Variants in VPS37C observed in about 807,000 individuals in gnomAD.
VPS37C encodes the protein vacuolar protein sorting-associated protein 37C.
Under a neutral mutation model 16.1 loss-of-function variants are expected in VPS37C, and 9 were observed. The ratio of observed to expected loss-of-function variants is 0.56; its 90% confidence interval spans 0.34 to 0.97. The LOEUF is 0.97. VPS37C is among the 50% of genes least tolerant of loss of function. The pLI is 0.02. For synonymous variants in VPS37C, 207 were observed against 206.4 expected (o/e 1.00, Z -0.02); for missense variants, 479 against 472.7 (o/e 1.01, Z -0.12).
chr11:61,147,288 C>A (rs1167055223), intron 1 of VPS37C, among the ~76,000 whole-genome samples: 1 of 152,174 alleles, frequency 6.6e-6, no homozygotes, highest in African/African-American at 2.4e-5. Context: ...CTCGCTGGAG[C>A]TTTGCTATCA....
At chr11:61,154,862 T>G (rs945433875) in intron 1 of VPS37C, among the ~76,000 whole-genome samples, 1 of 152,164 alleles carries the variant, frequency 6.6e-6, no homozygotes, top group Non-Finnish European at 1.5e-5. Flanking sequence ...CTCAGCACTT[T>G]GGAAGGCCGA....
intron 1 of VPS37C, among the ~76,000 whole-genome samples, chr11:61,153,363 G>A (rs998097778): frequency 6.6e-6 from 1 of 152,136 alleles, no homozygotes; most frequent in Non-Finnish European, 1.5e-5. Flanking sequence ...TAACTTTCCT[G>A]AGGCCTCCCA....
chr11:61,132,150 C>T lies in VPS37C; in HGVS notation c.738G>A (p.Pro246=), dbSNP rs778229740. 1.0e-5 allele frequency: 15 copies of T among 1,452,514 alleles called. No homozygotes were observed. The highest frequency in any genetic ancestry group is 5.8e-5 in the African/African-American group (4 of 69,480). 90.0% of individuals were successfully genotyped at this position (1,452,514 alleles called of 1,614,324 possible). The change falls in exon 5 of 5, where the codon CCG becomes CCA. Residue 246 remains proline (P), a synonymous_variant. Coordinates refer to ENST00000301765, the MANE Select transcript of VPS37C (RefSeq NM_017966.5). Reference sequence around the variant, plus strand: ...CACCCCTGGGTCCAAGCTGGGCTGCCGGGTAAGTGGGGCCCAGAGGCCCGC... The same window carrying T: ...CACCCCTGGGTCCAAGCTGGGCTGCTGGGTAAGTGGGGCCCAGAGGCCCGC... ...FYSGPLGPTY[P]AAQLGPRGAA... is the part of the protein sequence containing the mutation.
At chr11:61,142,617 C>T (rs542135444) in intron 1 of VPS37C, among the ~76,000 whole-genome samples, 8 of 152,000 alleles carry the variant, frequency 5.3e-5, no homozygotes, top group Non-Finnish European at 1.2e-4. Context: ...GTCATGCAGC[C>T]TCTGAAAACT....
At chr11:61,154,896 G>A (rs1476282192) in intron 1 of VPS37C, among the ~76,000 whole-genome samples, 1 of 152,112 alleles carries the variant, frequency 6.6e-6, no homozygotes, top group Non-Finnish European at 1.5e-5. Flanking sequence ...CTTGAGCCCA[G>A]GAGTTTTCGA....
intron 1 of VPS37C, among the ~76,000 whole-genome samples, chr11:61,147,699 A>G (rs1853235139): frequency 7.3e-6 from 1 of 137,272 alleles, no homozygotes; most frequent in Non-Finnish European, 1.6e-5. Context: ...AACCTTCAAC[A>G]AAAAAAAAAA....
At chr11:61,143,160 C>T (rs975311247) in intron 1 of VPS37C, among the ~76,000 whole-genome samples, 6 of 151,566 alleles carry the variant, frequency 4.0e-5, no homozygotes, top group Non-Finnish European at 7.4e-5. Context: ...AGGACCCTGG[C>T]AACCATCTTA....
rs762769883 is a variant in VPS37C at position 61,131,209 on chromosome 11, G to C, written c.*611C>G. On this transcript the variant is annotated 3_prime_UTR_variant, in exon 5 of 5. Transcript: ENST00000301765. ...GGCTGGCGCTGCTGCCACTCAAATA[G>C]GACATAGGACAAGCTTGTCTGACAT... The C allele has an allele frequency of 5.3e-6, 1 of 187,282 alleles. No individual in the cohort carries two copies. Among genetic ancestry groups the C allele is most frequent in the Non-Finnish European group, 1.1e-5 (1 of 91,358 alleles). 11.6% of individuals were successfully genotyped at this position (187,282 alleles called of 1,614,324 possible).
chr11:61,142,975 TAAAAAAA>T lies in VPS37C; in HGVS notation c.-6-4147_-6-4141del. 2.1e-3 allele frequency among the ~76,000 whole-genome samples: 98 copies of T among 47,588 alleles called. 1 individual carries two copies. Among genetic ancestry groups the T allele is most frequent in the Middle Eastern group, 0.013 (1 of 78 alleles). 31.2% of individuals were successfully genotyped at this position (47,588 alleles called of 152,430 possible). On this transcript the variant is annotated intron_variant, in intron 1 of 4. Transcript: ENST00000301765. The stretch of plus-strand genomic sequence containing the variant: ...ATAATAAAAAAAAAAAAAGAATAGC[TAAAAAAA>T]AAAAAAAAAAAAAAAAAGAGATGAG...
intron 1 of VPS37C, among the ~76,000 whole-genome samples, chr11:61,159,874 C>G (rs992576773): frequency 2.9e-5 from 4 of 139,086 alleles, no homozygotes; most frequent in African/African-American, 1.1e-4. Context: ...TTCACTCCAG[C>G]CTGGGCGACA....
In VPS37C at chr11:61,133,902, G is replaced by GT. The variant is rs1487850955; in HGVS notation, c.265+133dup. The stretch of plus-strand genomic sequence containing the variant: ...TCATTTTTCTTACCTATAAAATGGA[G>GT]TAACAACAGTACCCACCCTTCTATG... On this transcript the variant is annotated intron_variant, in intron 3 of 4. Coordinates refer to ENST00000301765, the MANE Select transcript of VPS37C (RefSeq NM_017966.5). 61 of 1,066,456 alleles carry GT rather than the reference G, an allele frequency of 5.7e-5. No individual in the cohort carries two copies. The East Asian group carries it at 1.5e-3, about 26-fold the overall frequency. The allele number at this position is 1,066,456 out of a possible 1,614,324, so 66.1% of individuals were successfully genotyped here.
intron 2 of VPS37C, among the ~76,000 whole-genome samples, chr11:61,136,770 T>C (rs543001737): frequency 3.9e-5 from 6 of 152,344 alleles, no homozygotes; most frequent in Admixed American, 2.6e-4. Context: ...CTAACCTTTA[T>C]AGATAATTAT....
At chr11:61,157,718 G>A (rs945615678) in intron 1 of VPS37C, among the ~76,000 whole-genome samples, 2 of 152,114 alleles carry the variant, frequency 1.3e-5, no homozygotes, top group East Asian at 3.8e-4. Context: ...TATTTCCGGG[G>A]GCTAAAAGGG....
chr11:61,136,227 G>A (rs191728664), intron 2 of VPS37C, among the ~76,000 whole-genome samples: 446 of 146,454 alleles, frequency 3.0e-3, no homozygotes, highest in Admixed American at 8.8e-3. Context: ...GTGCAATGGC[G>A]CAATCTCGGC....
At chr11:61,145,281 C>T (rs915551286) in intron 1 of VPS37C, 1 of 152,360 alleles carries the variant, frequency 6.6e-6, no homozygotes. Flanking sequence ...GCCCCACCTG[C>T]TCGGCAGGCC....
Position 61,131,990 on chromosome 11 carries a change from A to T in VPS37C, c.898T>A (p.Ser300Thr). The change falls in exon 5 of 5, where the codon TCC (serine) becomes ACC (threonine). Residue 300 changes from serine (S) to threonine (T), a missense_variant. Ser to Thr is a moderately conservative substitution (Grantham distance 58). Coordinates refer to ENST00000301765, the MANE Select transcript of VPS37C (RefSeq NM_017966.5). ...RAPSPGYPQQ[S>T]PYPATGGKPP... ...TTTCCTCCTGTTGCGGGGTATGGGG[A>T]CTGTTGAGGATAACCAGGACTGGGG... The T allele has an allele frequency of 7.4e-7, 1 of 1,347,568 alleles. No individual in the cohort carries two copies. The highest frequency in any genetic ancestry group is 9.6e-7 in the Non-Finnish European group (1 of 1,044,552). 83.5% of individuals were successfully genotyped at this position (1,347,568 alleles called of 1,614,324 possible).
chr11:61,138,497 C>A, intron 2 of VPS37C: 1 of 518,446 alleles, frequency 1.9e-6, no homozygotes. Context: ...TGTGGGGACT[C>A]CTGGGGTATC....
At chr11:61,155,369 C>T (rs1478333463) in intron 1 of VPS37C, among the ~76,000 whole-genome samples, 1 of 151,412 alleles carries the variant, frequency 6.6e-6, no homozygotes, top group African/African-American at 2.4e-5. Context: ...CATGGTGATA[C>T]ACACCTGTAG....
chr11:61,130,616 G>GT lies in VPS37C; in HGVS notation c.*1203dup. ...CCTGGTTTACCTCTGGAACAACCAAGTTAACACTCATCACACCCCCTTTGT... is the reference window on the plus strand; with the variant it reads ...CCTGGTTTACCTCTGGAACAACCAAGTTTAACACTCATCACACCCCCTTTGT... On this transcript the variant is annotated 3_prime_UTR_variant, in exon 5 of 5. Transcript: ENST00000301765. 1 of 289,796 alleles carries GT rather than the reference G, an allele frequency of 3.5e-6. No homozygotes were observed. Among genetic ancestry groups the GT allele is most frequent in the Non-Finnish European group, 6.5e-6 (1 of 153,476 alleles). The allele number at this position is 289,796 out of a possible 1,614,324, so 18.0% of individuals were successfully genotyped here. A position where few individuals can be genotyped will look rare whatever the true frequency, so the allele number is the denominator to read the frequency against.
Sources: allele counts gnomAD v4.1 joint callset (sites outside exome capture counted in the v4.1 genomes callset), GRCh38; gene constraint gnomAD v4.1.1; transcripts MANE v1.5; gene names NCBI Gene and HGNC (gene_info 2026-07-23, HGNC 2026-07-21).